The following CAMTA1 variants were observed in gnomAD, a reference collection of about 807,000 sequenced individuals.
CAMTA1 encodes calmodulin binding transcription activator 1.
In CAMTA1, 27 loss-of-function variants were observed where a neutral mutation model predicts 170.9. The ratio of observed to expected loss-of-function variants is 0.16; its 90% confidence interval spans 0.12 to 0.22. CAMTA1 has a LOEUF of 0.22. Among genes scored for constraint, CAMTA1 ranks in the 10% least tolerant of loss-of-function variants. The pLI, the probability that CAMTA1 is intolerant of heterozygous loss-of-function variation, is 1.00. For missense variants in CAMTA1, 1,619 were observed against 2,217.2 expected, an observed-to-expected ratio of 0.73 and a Z score of 5.42; for synonymous variants, 833 against 891.5, an observed-to-expected ratio of 0.93 and a Z score of 1.17.
chr1:7,236,068 G>C (rs1470585898), intron 4 of CAMTA1, among the ~76,000 whole-genome samples: 2 of 152,160 alleles, frequency 1.3e-5, no homozygotes, highest in African/African-American at 2.4e-5. Context: ...TGCGGGGTGT[G>C]GGGGAGGACA....
chr1:7,704,344 G>C (rs1197272499), intron 11 of CAMTA1, among the ~76,000 whole-genome samples: 1 of 146,022 alleles, frequency 6.8e-6, no homozygotes, highest in Admixed American at 6.8e-5. Context: ...CCCGGGCAGC[G>C]GGCGCAGCCG....
At chr1:7,306,595 A>G (rs1675625043) in intron 5 of CAMTA1, among the ~76,000 whole-genome samples, 1 of 151,996 alleles carries the variant, frequency 6.6e-6, no homozygotes, top group Admixed American at 6.6e-5. Flanking sequence ...TTCTTTTAAG[A>G]AATTGTTTTG....
At chr1:6,786,888 C>T (rs1228062463) in intron 1 of CAMTA1, among the ~76,000 whole-genome samples, 1 of 152,054 alleles carries the variant, frequency 6.6e-6, no homozygotes, top group Non-Finnish European at 1.5e-5. Context: ...TGAGGAAGAC[C>T]GGGGTATATT....
intron 1 of CAMTA1, among the ~76,000 whole-genome samples, chr1:6,805,051 G>A (rs1334509999): frequency 1.3e-5 from 2 of 152,214 alleles, no homozygotes; most frequent in African/African-American, 2.4e-5. Context: ...CCTAGGAGTG[G>A]AATTGTGGTG....
At chr1:7,715,450 T>G (rs1030895138) in intron 11 of CAMTA1, among the ~76,000 whole-genome samples, 4 of 151,532 alleles carry the variant, frequency 2.6e-5, no homozygotes, top group African/African-American at 4.9e-5. Context: ...TTTTTTTTCT[T>G]GAGGCACGGT....
intron 5 of CAMTA1, among the ~76,000 whole-genome samples, chr1:7,284,403 C>T (rs1384122139): frequency 1.3e-5 from 2 of 151,890 alleles, no homozygotes; most frequent in Admixed American, 1.3e-4. Flanking sequence ...GGGGTTTCGC[C>T]ATGTTAGCCA....
chr1:6,817,796 C>G (rs1317094057), intron 1 of CAMTA1, among the ~76,000 whole-genome samples: 1 of 152,148 alleles, frequency 6.6e-6, no homozygotes, highest in Non-Finnish European at 1.5e-5. Flanking sequence ...CTGTGCCTAG[C>G]TCAGTATACT....
At chr1:7,491,597 T>C (rs1215966797) in intron 6 of CAMTA1, among the ~76,000 whole-genome samples, 1 of 151,904 alleles carries the variant, frequency 6.6e-6, no homozygotes, top group African/African-American at 2.4e-5. Flanking sequence ...ACTTCGGTGA[T>C]TTTTTTTTCT....
intron 4 of CAMTA1, among the ~76,000 whole-genome samples, chr1:7,131,445 C>T (rs1373569843): frequency 1.3e-5 from 2 of 151,644 alleles, no homozygotes; most frequent in Non-Finnish European, 2.9e-5. Context: ...TAGTAGTTAC[C>T]TCTTATAGTC....
intron 7 of CAMTA1, among the ~76,000 whole-genome samples, chr1:7,660,107 TC>T (rs1449311114): frequency 6.6e-6 from 1 of 152,226 alleles, no homozygotes; most frequent in East Asian, 1.9e-4. Context: ...AGAGTTTTGC[TC>T]TCATTCCCCA....
At chr1:7,478,587 T>C (rs1258331482) in intron 6 of CAMTA1, among the ~76,000 whole-genome samples, 2 of 152,236 alleles carry the variant, frequency 1.3e-5, no homozygotes, top group African/African-American at 4.8e-5. Context: ...ATCCAGAACT[T>C]GTCAGTCTCT....
At chr1:6,973,729 C>T (rs1169832690) in intron 3 of CAMTA1, among the ~76,000 whole-genome samples, 1 of 152,168 alleles carries the variant, frequency 6.6e-6, no homozygotes, top group Non-Finnish European at 1.5e-5. Flanking sequence ...TGCTGGGTGA[C>T]ACCGACCTTG....
chr1:7,150,909 A>G (rs1277947996), intron 4 of CAMTA1, among the ~76,000 whole-genome samples: 1 of 152,210 alleles, frequency 6.6e-6, no homozygotes, highest in Non-Finnish European at 1.5e-5. Flanking sequence ...GCTCGAGTAA[A>G]GAAGGCAGGC....
At chr1:7,638,321 C>T (rs561029445) in intron 6 of CAMTA1, among the ~76,000 whole-genome samples, 1 of 152,232 alleles carries the variant, frequency 6.6e-6, no homozygotes, top group Non-Finnish European at 1.5e-5. Context: ...GATATCCTGC[C>T]ATGTTTCCTT....
intron 22 of CAMTA1, among the ~76,000 whole-genome samples, chr1:7,764,983 T>A (rs562064809): frequency 6.6e-6 from 1 of 152,192 alleles, no homozygotes; most frequent in South Asian, 2.1e-4. Flanking sequence ...AGTTTTACTT[T>A]ACTGGTATAA....
At chr1:7,122,400 G>GA (rs1266552480) in intron 4 of CAMTA1, among the ~76,000 whole-genome samples, 1 of 152,080 alleles carries the variant, frequency 6.6e-6, no homozygotes, top group Non-Finnish European at 1.5e-5. Flanking sequence ...GAAATGTAAG[G>GA]AGTGTGCATA....
At chr1:6,985,664 C>T (rs145815569) in intron 3 of CAMTA1, among the ~76,000 whole-genome samples, 1 of 152,310 alleles carries the variant, frequency 6.6e-6, no homozygotes, top group East Asian at 1.9e-4. Context: ...AGCAAATCTT[C>T]GAATTGCCAG....
chr1:7,498,797 ATG>A (rs1223946666), intron 6 of CAMTA1, among the ~76,000 whole-genome samples: 2 of 143,648 alleles, frequency 1.4e-5, no homozygotes, highest in East Asian at 2.2e-4. Context: ...ATGTGTGTGC[ATG>A]TGTGTACATG....
Position 6,797,040 on chromosome 1 carries a change from A to G in CAMTA1, c.45+11465A>G, listed in dbSNP as rs192965577. On this transcript the variant is annotated intron_variant, in intron 1 of 22. Transcript: ENST00000303635. ...GATTAGAATTGATGATTCAAGCTGC[A>G]ACCACTTTGATTGATACCCAGTCTT... Among the ~76,000 whole-genome samples the G allele has an allele frequency of 9.0e-4, 137 of 152,358 alleles. 1 individual carries two copies. The highest frequency in any genetic ancestry group is 1.8e-4 in the Non-Finnish European group (12 of 68,038).
Sources: allele counts gnomAD v4.1 joint callset (sites outside exome capture counted in the v4.1 genomes callset), GRCh38; gene constraint gnomAD v4.1.1; transcripts MANE v1.5; gene names NCBI Gene and HGNC (gene_info 2026-07-23, HGNC 2026-07-21).